The following RPS6KA5 variants were observed in gnomAD, a reference collection of about 807,000 sequenced individuals.
The protein encoded by RPS6KA5 is ribosomal protein S6 kinase alpha-5.
RPS6KA5 carries 27 observed loss-of-function variants against 85.5 expected under a neutral mutation model. The ratio of observed to expected loss-of-function variants is 0.32; its 90% CI spans 0.23 to 0.44. The LOEUF (loss-of-function observed/expected upper bound fraction) is 0.44, where lower values mean the gene tolerates loss of function less well. Ranked by LOEUF, RPS6KA5 falls within the 20% of genes least tolerant of loss-of-function variation. The pLI, the probability that RPS6KA5 is intolerant of heterozygous loss-of-function variation, is 1.00. For synonymous variants in RPS6KA5, 334 were observed against 348.2 expected (o/e 0.96, Z 0.46); for missense variants, 811 against 980.9 (o/e 0.83, Z 2.31).
intron 1 of RPS6KA5, among the ~76,000 whole-genome samples, chr14:91,040,769 GCA>G (rs1406980275): frequency 5.3e-5 from 8 of 152,210 alleles, no homozygotes; most frequent in Non-Finnish European, 1.0e-4. Flanking sequence ...AGGTAGAAGA[GCA>G]CAGTTTGTCA....
intron 1 of RPS6KA5, among the ~76,000 whole-genome samples, chr14:91,020,179 G>A (rs568865893): frequency 7.7e-6 from 1 of 129,290 alleles, no homozygotes; most frequent in South Asian, 2.6e-4. Context: ...ATGACCATTT[G>A]TGTTTATGTG....
rs59167978 is a variant in RPS6KA5 at position 90,956,998 on chromosome 14, G to A, written c.395-9448C>T. On this transcript the variant is annotated intron_variant, in intron 3 of 16. Transcript: ENST00000614987. ...TTTTTTTTTTTTTCCCAGTGAATTC[G>A]AGTTATAATCTGATTCCAACCCCCT... Among the ~76,000 whole-genome samples, 158 of 132,474 alleles carry A rather than the reference G, an allele frequency of 1.2e-3. 1 individual carries two copies. The highest frequency in any genetic ancestry group is 4.3e-3 in the African/African-American group (149 of 35,044). The allele number at this position is 132,474 out of a possible 152,430, so 86.9% of individuals were successfully genotyped here.
At chr14:90,873,998 T>C (rs951527226) in intron 15 of RPS6KA5, among the ~76,000 whole-genome samples, 1 of 152,318 alleles carries the variant, frequency 6.6e-6, no homozygotes, top group East Asian at 1.9e-4. Context: ...CAGTAGCCTA[T>C]TTCTAGGAAG....
rs564966598 is a variant in RPS6KA5, at chr14:90,884,351, A to G, written c.1836+6136T>C. On this transcript the variant is annotated intron_variant, in intron 14 of 16. Coordinates refer to ENST00000614987, the MANE Select transcript of RPS6KA5 (RefSeq NM_004755.4). Reference sequence around the variant, plus strand: ...CCCAAAACAAACTTTCTGAGCGCCAACATGCTCAATGGAAATGCTCACTGG... The same window carrying G: ...CCCAAAACAAACTTTCTGAGCGCCAGCATGCTCAATGGAAATGCTCACTGG... 3.9e-5 allele frequency among the ~76,000 whole-genome samples: 6 copies of G among 152,330 alleles called. No individual in the cohort carries two copies. The South Asian group carries it at 8.3e-4, about 21-fold the overall frequency.
rs2043628842 is a variant in RPS6KA5, at chr14:91,060,553, C to G, written c.-119G>C. 1 of 1,191,594 alleles carries G rather than the reference C, an allele frequency of 8.4e-7. No individual in the cohort carries two copies. The highest frequency in any genetic ancestry group is 1.6e-5 in the African/African-American group (1 of 62,936). The allele number at this position is 1,191,594 out of a possible 1,614,324, so 73.8% of individuals were successfully genotyped here. On this transcript the variant is annotated 5_prime_UTR_variant, in exon 1 of 17. Coordinates refer to ENST00000614987, the MANE Select transcript of RPS6KA5 (RefSeq NM_004755.4). ...GAGTCGGGGTGCGGCGGCTCCAGAACTCGGACGCAAAGACGAGTCTCTTTC... is the reference window on the plus strand; with the variant it reads ...GAGTCGGGGTGCGGCGGCTCCAGAAGTCGGACGCAAAGACGAGTCTCTTTC...
intron 4 of RPS6KA5, among the ~76,000 whole-genome samples, chr14:90,945,250 T>TCAACA (rs2037814747): frequency 1.3e-5 from 2 of 152,088 alleles, no homozygotes; most frequent in South Asian, 4.1e-4. Flanking sequence ...AGACCCTGTA[T>TCAACA]CAACACAACA....
intron 14 of RPS6KA5, among the ~76,000 whole-genome samples, chr14:90,885,502 G>A (rs1261642292): frequency 2.5e-5 from 3 of 118,868 alleles, no homozygotes; most frequent in Non-Finnish European, 4.9e-5. Context: ...GCAGTGAGCC[G>A]AGATCCCGCC....
Position 90,868,862 on chromosome 14 carries a change from AAGTT to A in RPS6KA5, c.*3208_*3211del, listed in dbSNP as rs1323487829. ...TTAAAATAACTTACCTTATATTTAA[AAGTT>A]AGTCATTTACATACTTAAGAAATCA... On this transcript the variant is annotated 3_prime_UTR_variant, in exon 17 of 17. Transcript: ENST00000614987. 1 of 152,176 alleles carries A rather than the reference AAGTT, an allele frequency of 6.6e-6. No homozygotes were observed. Among genetic ancestry groups the A allele is most frequent in the Non-Finnish European group, 1.5e-5 (1 of 68,030 alleles). The allele number at this position is 152,176 out of a possible 1,614,324, so 9.4% of individuals were successfully genotyped here.
At chr14:90,879,133 G>C (rs1006277711) in intron 14 of RPS6KA5, among the ~76,000 whole-genome samples, 25 of 152,220 alleles carry the variant, frequency 1.6e-4, no homozygotes, top group African/African-American at 6.0e-4. Context: ...CCCAAGAGCA[G>C]TGCATCATGT....
At chr14:90,874,614 A>G (rs1262447096) in intron 15 of RPS6KA5, among the ~76,000 whole-genome samples, 1 of 152,240 alleles carries the variant, frequency 6.6e-6, no homozygotes, top group Non-Finnish European at 1.5e-5. Context: ...GCATAATCAC[A>G]TAGGGATTCT....
At chr14:91,053,488 T>C (rs968804830) in intron 1 of RPS6KA5, among the ~76,000 whole-genome samples, 2 of 152,144 alleles carry the variant, frequency 1.3e-5, no homozygotes, top group Non-Finnish European at 2.9e-5. Flanking sequence ...TTAGAACCAA[T>C]AAACTAGTTC....
intron 1 of RPS6KA5, among the ~76,000 whole-genome samples, chr14:91,004,147 G>A (rs968754357): frequency 6.6e-6 from 1 of 152,056 alleles, no homozygotes; most frequent in Non-Finnish European, 1.5e-5. Context: ...GTGCAGTGGC[G>A]CGATCTCAGC....
chr14:91,000,517 C>A (rs1042475965), intron 2 of RPS6KA5, among the ~76,000 whole-genome samples: 1 of 152,186 alleles, frequency 6.6e-6, no homozygotes, highest in Non-Finnish European at 1.5e-5. Flanking sequence ...TGTGTCCTGG[C>A]TGGGCGCAGT....
In RPS6KA5 at chr14:90,871,821, T is replaced by C. The variant is rs2033130831; in HGVS notation, c.*253A>G. ...CCCTAATTAAATTTACAGGAACCTT[T>C]GCTCTTTCAAGAATAGTCTTGTTGG... On this transcript the variant is annotated 3_prime_UTR_variant, in exon 17 of 17. Coordinates refer to ENST00000614987, the MANE Select transcript of RPS6KA5 (RefSeq NM_004755.4). 5 of 341,326 alleles carry C rather than the reference T, an allele frequency of 1.5e-5. 1 individual carries two copies. Among genetic ancestry groups the C allele is most frequent in the Admixed American group, 8.9e-5 (2 of 22,562 alleles). The allele number at this position is 341,326 out of a possible 1,614,324, so 21.1% of individuals were successfully genotyped here.
intron 1 of RPS6KA5, among the ~76,000 whole-genome samples, chr14:91,027,303 C>T (rs1379653382): frequency 1.3e-5 from 2 of 152,156 alleles, no homozygotes; most frequent in Non-Finnish European, 2.9e-5. Context: ...AGGTAGGGGT[C>T]CAGTTTCATG....
rs2034490781 is a variant in RPS6KA5, at chr14:90,890,524, T to A, written c.1799A>T (p.Asp600Val). Residue 600 changes from aspartate (D) to valine (V), a missense_variant, in exon 14 of 17, where the codon GAT becomes GTT. Coordinates refer to ENST00000614987, the MANE Select transcript of RPS6KA5 (RefSeq NM_004755.4). ...CAAGCTCCACAGGTCACAGGACTCA[T>A]CGTAGCCGTTCTGATTCAAGAGCTC... is the stretch of plus-strand genomic sequence containing the variant. Reference protein sequence around the residue: ...APELLNQNGYDESCDLWSLGV... With the variant: ...APELLNQNGYVESCDLWSLGV... 1.9e-6 allele frequency: 3 copies of A among 1,614,070 alleles called. No homozygotes were observed. In the African/African-American group the frequency reaches 4.0e-5, roughly 22 times the overall value.
rs577875417 is a variant in RPS6KA5 at position 90,851,244 on chromosome 14, T to C, written c.*20830A>G. The stretch of plus-strand genomic sequence containing the variant: ...TAGTAGAGACGGGGTTTCACCGTGT[T>C]AGCCAGGATGGTCTTGATCTCCTGA... On this transcript the variant is annotated 3_prime_UTR_variant, in exon 17 of 17. Transcript: ENST00000614987. The C allele has an allele frequency of 6.6e-6, 1 of 152,408 alleles. No individual in the cohort carries two copies. The highest frequency in any genetic ancestry group is 1.9e-4 in the East Asian group (1 of 5,186). 9.4% of individuals were successfully genotyped at this position (152,408 alleles called of 1,614,324 possible).
Position 90,871,825 on chromosome 14 carries a change from C to G in RPS6KA5, c.*249G>C. ...AATTAAATTTACAGGAACCTTTGCTCTTTCAAGAATAGTCTTGTTGGCATC... is the reference window on the plus strand; with the variant it reads ...AATTAAATTTACAGGAACCTTTGCTGTTTCAAGAATAGTCTTGTTGGCATC... On this transcript the variant is annotated 3_prime_UTR_variant, in exon 17 of 17. Coordinates refer to ENST00000614987, the MANE Select transcript of RPS6KA5 (RefSeq NM_004755.4). 2.8e-6 allele frequency: 1 copy of G among 352,090 alleles called. No homozygotes were observed. Among genetic ancestry groups the G allele is most frequent in the Non-Finnish European group, 5.1e-6 (1 of 196,630 alleles). The allele number at this position is 352,090 out of a possible 1,614,324, so 21.8% of individuals were successfully genotyped here. A position where few individuals can be genotyped will look rare whatever the true frequency, so the allele number is the denominator to read the frequency against.
rs1666792023 is a variant in RPS6KA5 at position 90,863,819 on chromosome 14, G to C, written c.*8255C>G. On this transcript the variant is annotated 3_prime_UTR_variant, in exon 17 of 17. Coordinates refer to ENST00000614987, the MANE Select transcript of RPS6KA5 (RefSeq NM_004755.4). ...GTAAGATATAATTTCTCCTGAAATT[G>C]ATTTATACATTCAATGCAATACCAA... 6.6e-6 allele frequency: 1 copy of C among 152,104 alleles called. No homozygotes were observed. The highest frequency in any genetic ancestry group is 2.1e-4 in the South Asian group (1 of 4,830). 9.4% of individuals were successfully genotyped at this position (152,104 alleles called of 1,614,324 possible). A position where few individuals can be genotyped will look rare whatever the true frequency, so the allele number is the denominator to read the frequency against.
Sources: gnomAD v4.1 joint callset for allele counts (sites outside exome capture counted in the v4.1 genomes callset) on GRCh38, gnomAD v4.1.1 for gene constraint, MANE v1.5 for transcripts, NCBI Gene and HGNC (gene_info 2026-07-23, HGNC 2026-07-21) for gene names.